Variants in ALKBH4 observed in about 807,000 individuals in gnomAD.
ALKBH4 encodes alkB homolog 4, lysine demethylase.
A neutral mutation model predicts 12.1 loss-of-function variants in ALKBH4; 8 were observed. The ratio of observed to expected loss-of-function variants is 0.66; its 90% CI spans 0.39 to 1.19. The LOEUF (loss-of-function observed/expected upper bound fraction) is 1.19, where lower values mean the gene tolerates loss of function less well. Ranked by LOEUF, ALKBH4 falls within the 50% of genes most tolerant of loss-of-function variation. ALKBH4 has a pLI of 0.01. For missense variants in ALKBH4, 403 were observed against 430.4 expected, an observed-to-expected ratio of 0.94 and a Z score of 0.56; for synonymous variants, 195 against 191.6, an observed-to-expected ratio of 1.02 and a Z score of -0.15.
intron 1 of ALKBH4, among the ~76,000 whole-genome samples, chr7:102,464,054 C>A (rs1275469902): frequency 6.6e-6 from 1 of 152,058 alleles, no homozygotes; most frequent in African/African-American, 2.4e-5. Context: ...CCCCCACAAC[C>A]TCTCCAGCCT....
intron 1 of ALKBH4, among the ~76,000 whole-genome samples, chr7:102,462,857 C>G: frequency 6.6e-6 from 1 of 152,154 alleles, no homozygotes; most frequent in Non-Finnish European, 1.5e-5. Context: ...GTAGCTCACA[C>G]AACAGGAATC....
chr7:102,464,652 G>T, intron 1 of ALKBH4, 62 bp downstream of exon 1: 1 of 1,463,704 alleles, frequency 6.8e-7, no homozygotes, highest in Admixed American at 2.6e-5. Flanking sequence ...GGCCAAGCTG[G>T]ACCTCAGTTT....
rs1232837720 is a variant in ALKBH4, at chr7:102,464,800, G to A, written c.37C>T (p.Arg13Trp). Residue 13 changes from arginine to tryptophan, a missense_variant, in exon 1 of 3, where the codon CGG becomes TGG. By Grantham distance (101) the Arg-to-Trp change is moderately radical. Transcript: ENST00000292566. ...CGGATGCCCTTGCAACCGCATTCCC[G>A]AAGGACTTCGGGGGTCTCGGCGGCA... ...AAAAETPEVLRECGCKGIRTC... is the reference protein window; with the variant it reads ...AAAAETPEVLWECGCKGIRTC... The A allele has an allele frequency of 2.3e-5, 36 of 1,562,768 alleles. 1 individual carries two copies. The Admixed American group carries it at 6.9e-4, about 30-fold the overall frequency.
At chr7:102,464,557 C>A (rs1797891822) in intron 1 of ALKBH4, among the ~76,000 whole-genome samples, 157 bp downstream of exon 1, 1 of 152,198 alleles carries the variant, frequency 6.6e-6, no homozygotes, top group African/African-American at 2.4e-5. Flanking sequence ...ACTCCCAAGC[C>A]CGCTCCTTAA....
chr7:102,463,196 C>G (rs927639422), intron 1 of ALKBH4, among the ~76,000 whole-genome samples: 4 of 152,048 alleles, frequency 2.6e-5, no homozygotes, highest in African/African-American at 9.7e-5. Flanking sequence ...GGCAATCTGC[C>G]TGCCTCGGTC....
chr7:102,462,343 C>T (rs975274262), intron 1 of ALKBH4, among the ~76,000 whole-genome samples: 4 of 151,984 alleles, frequency 2.6e-5, no homozygotes, highest in African/African-American at 7.2e-5. Flanking sequence ...GCCACTGGAA[C>T]GGGTCAGACT....
chr7:102,459,476 G>T, intron 2 of ALKBH4, 128 bp downstream of exon 2: 1 of 1,198,534 alleles, frequency 8.3e-7, no homozygotes, highest in Non-Finnish European at 1.2e-6. Flanking sequence ...CCCAAGGTCT[G>T]GGGAACTCGC....
At chr7:102,464,643 GCCA>G (rs1238048283) in intron 1 of ALKBH4, 68 bp downstream of exon 1, 143 of 1,453,224 alleles carry the variant, frequency 9.8e-5, no homozygotes, top group Non-Finnish European at 1.3e-4. Flanking sequence ...CCCTATCATG[GCCA>G]AGCTGGACCT....
chr7:102,459,711 CTGGG>C lies in ALKBH4; in HGVS notation c.210_213del (p.Phe70LeufsTer3). On this transcript the variant is annotated frameshift_variant, in exon 2 of 3. Transcript: ENST00000292566. LOFTEE classifies it high-confidence loss of function. ...ACAAAGTCCTCGATCAGCATCACTC[CTGGG>C]AAGGGGAAGGCCCAGCCCTCAAAGT... 6.2e-7 allele frequency: 1 copy of C among 1,614,222 alleles called. No homozygotes were observed. The highest frequency in any genetic ancestry group is 8.5e-7 in the Non-Finnish European group (1 of 1,180,044).
At chr7:102,463,783 AT>A (rs1331047445) in intron 1 of ALKBH4, among the ~76,000 whole-genome samples, 1 of 152,168 alleles carries the variant, frequency 6.6e-6, no homozygotes, top group Non-Finnish European at 1.5e-5. Flanking sequence ...ATCATGGGTA[AT>A]TCTATGTTTA....
intron 1 of ALKBH4, among the ~76,000 whole-genome samples, chr7:102,463,203 G>A (rs944957307): frequency 2.6e-5 from 4 of 151,614 alleles, no homozygotes; most frequent in African/African-American, 9.7e-5. Context: ...TGCCTGCCTC[G>A]GTCTCCCAAA....
At position 102,457,316 on chromosome 7, in the gene ALKBH4, C is replaced by G; in HGVS notation, c.*78G>C. ...GGTCAGCCATCTTCTCTTGAAACCC[C>G]GTGAGTTGCAGGAGGCCCTGTTCTG... On this transcript the variant is annotated 3_prime_UTR_variant, in exon 3 of 3. Transcript: ENST00000292566. The surrounding 1 kb of genome is among the most constrained non-coding windows in gnomAD (Gnocchi z 5.9). The G allele has an allele frequency of 3.4e-6, 5 of 1,475,624 alleles. No homozygotes were observed. The South Asian group carries it at 3.8e-5, about 11-fold the overall frequency. 91.4% of individuals were successfully genotyped at this position (1,475,624 alleles called of 1,614,324 possible).
intron 2 of ALKBH4, chr7:102,459,269 T>A: frequency 4.3e-6 from 1 of 230,658 alleles, no homozygotes; most frequent in Non-Finnish European, 8.4e-6. Context: ...GGAATGCGTG[T>A]GAGGAGACAG....
intron 1 of ALKBH4, among the ~76,000 whole-genome samples, chr7:102,464,046 C>CG (rs931767356): frequency 8.6e-5 from 13 of 151,950 alleles, no homozygotes; most frequent in Admixed American, 1.3e-4. Flanking sequence ...CCTCCCCCCC[C>CG]CCACAACCTC....
In ALKBH4 at chr7:102,457,715, C is replaced by T. The variant is rs564542234; in HGVS notation, c.588G>A (p.Glu196=). Residue 196 remains glutamate, a synonymous_variant, in exon 3 of 3, where the codon GAG becomes GAA. Transcript: ENST00000292566. This position sits in a 1 kb window ranked among gnomAD's most constrained non-coding sequence, Gnocchi z 5.9. The stretch of plus-strand genomic sequence containing the variant: ...AGCAGAGGAGCAGGCTCCCGGGCGC[C>T]TCCCGACACATGGACAGCACGGTGG... ...LSPTVLSMCR[E]APGSLLLCSA... 10 of 1,560,062 alleles carry T rather than the reference C, an allele frequency of 6.4e-6. No individual in the cohort carries two copies. Among genetic ancestry groups the T allele is most frequent in the Admixed American group, 1.8e-5 (1 of 54,168 alleles).
intron 2 of ALKBH4, chr7:102,459,363 A>C (rs1174089271): frequency 7.0e-6 from 3 of 431,128 alleles, no homozygotes; most frequent in Non-Finnish European, 1.2e-5. Context: ...CCAGCTACAG[A>C]GGGGCAGAGA....
chr7:102,457,377 G>T lies in ALKBH4; in HGVS notation c.*17C>A. The T allele has an allele frequency of 6.3e-7, 1 of 1,596,498 alleles. No homozygotes were observed. The highest frequency in any genetic ancestry group is 1.1e-5 in the South Asian group (1 of 89,652). ...TTCAATCCCGGGATCAGTCAAGTCT[G>T]GAGCCAAGGAGGCGGTTCACACGGG... On this transcript the variant is annotated 3_prime_UTR_variant, in exon 3 of 3. Transcript: ENST00000292566. This position sits in a 1 kb window ranked among gnomAD's most constrained non-coding sequence, Gnocchi z 5.9.
chr7:102,460,324 CA>C (rs1156512949), intron 1 of ALKBH4, among the ~76,000 whole-genome samples: 24 of 58,646 alleles, frequency 4.1e-4, no homozygotes, highest in Non-Finnish European at 3.0e-4. Flanking sequence ...GACCCTGTCT[CA>C]AAAAAAAAAA....
intron 1 of ALKBH4, among the ~76,000 whole-genome samples, chr7:102,461,956 G>T (rs776175250): frequency 6.6e-6 from 1 of 152,138 alleles, no homozygotes; most frequent in African/African-American, 2.4e-5. Flanking sequence ...GTCTTTCTCT[G>T]TTCTTCCCTC....
Sources: allele counts gnomAD v4.1 joint callset (sites outside exome capture counted in the v4.1 genomes callset), GRCh38; gene constraint gnomAD v4.1.1; non-coding constraint Gnocchi (gnomAD v3.1); transcripts MANE v1.5; gene names NCBI Gene and HGNC (gene_info 2026-07-23, HGNC 2026-07-21).